The following PSME4 variants were observed in gnomAD, a reference collection of about 807,000 sequenced individuals.
PSME4 encodes the protein proteasome activator complex subunit 4.
In PSME4, 89 loss-of-function variants were observed where a neutral mutation model predicts 253.9. The ratio of observed to expected loss-of-function variants is 0.35; its 90% CI spans 0.30 to 0.42. The LOEUF is 0.42. Ranked by LOEUF, PSME4 falls within the 10% of genes least tolerant of loss-of-function variation. The pLI is 1.00. For synonymous variants in PSME4, 851 were observed against 759.2 expected, an observed-to-expected ratio of 1.12 and a Z score of -1.99; for missense variants, 2,014 against 2,195.2, an observed-to-expected ratio of 0.92 and a Z score of 1.65.
intron 3 of PSME4, among the ~76,000 whole-genome samples, chr2:53,945,184 T>C (rs1034117845): frequency 1.3e-5 from 2 of 152,210 alleles, no homozygotes; most frequent in Admixed American, 1.3e-4. Flanking sequence ...TCCCATATTT[T>C]GTTAGTAGCA....
Position 53,962,147 on chromosome 2 carries a change from C to G in PSME4, c.242+8396G>C, listed in dbSNP as rs6730733. ...CTAAGAACATAAAGTACATTGATTT[C>G]TTCATTATGGCTAGCAGATATTTAA... On this transcript the variant is annotated intron_variant, in intron 1 of 46. Transcript: ENST00000404125. Among the ~76,000 whole-genome samples, 997 of 152,234 alleles carry G rather than the reference C, an allele frequency of 6.5e-3. 9 individuals carry two copies. Among genetic ancestry groups the G allele is most frequent in the African/African-American group, 0.021 (884 of 41,528 alleles).
intron 20 of PSME4, among the ~76,000 whole-genome samples, chr2:53,918,770 C>CT (rs996977496): frequency 9.2e-5 from 14 of 151,546 alleles, no homozygotes; most frequent in Admixed American, 2.0e-4. Context: ...TTGAAGAAAT[C>CT]TTTTTTTTTA....
intron 1 of PSME4, among the ~76,000 whole-genome samples, chr2:53,968,212 T>A (rs557006302): frequency 6.6e-6 from 1 of 151,322 alleles, no homozygotes; most frequent in Admixed American, 6.6e-5. Flanking sequence ...AAGGCAGGGA[T>A]TGCAGTGGGC....
At chr2:53,866,618 G>C (rs2104405595) in intron 45 of PSME4, 129 bp downstream of exon 45, 7 of 1,021,832 alleles carry the variant, frequency 6.9e-6, no homozygotes, top group African/African-American at 3.3e-5. Flanking sequence ...CTGGTGAGCA[G>C]ACTAAGCCTT....
intron 19 of PSME4, 134 bp downstream of exon 19, chr2:53,920,059 G>A: frequency 1.3e-6 from 1 of 785,660 alleles, no homozygotes; most frequent in Non-Finnish European, 1.9e-6. Flanking sequence ...TATATTAAAT[G>A]ATTTTCTAAG....
intron 1 of PSME4, among the ~76,000 whole-genome samples, chr2:53,961,247 G>A (rs1199828844): frequency 6.6e-6 from 1 of 152,188 alleles, no homozygotes; most frequent in African/African-American, 2.4e-5. Context: ...GTTTTCTGTT[G>A]CTGTTGTTGT....
intron 3 of PSME4, among the ~76,000 whole-genome samples, chr2:53,941,487 A>T (rs952963381): frequency 6.6e-6 from 1 of 151,944 alleles, no homozygotes; most frequent in African/African-American, 2.4e-5. Flanking sequence ...CTCCCTGAAG[A>T]CCACAGCTAT....
intron 40 of PSME4, among the ~76,000 whole-genome samples, 175 bp downstream of exon 40, chr2:53,887,084 T>C (rs805397): frequency 0.29 from 44,151 of 152,000 alleles, 6,833 homozygotes; most frequent in South Asian, 0.46. Flanking sequence ...GTGATGATGG[T>C]TGCGCAAGGA....
chr2:53,899,826 G>A (rs1463381753), intron 29 of PSME4, 55 bp downstream of exon 29: 9 of 1,585,198 alleles, frequency 5.7e-6, no homozygotes. Context: ...TCAAAAAAAA[G>A]CCAAAACTTA....
At chr2:53,936,703 TGG>T in intron 6 of PSME4, 59 bp downstream of exon 6, 1 of 1,167,856 alleles carries the variant, frequency 8.6e-7, no homozygotes, top group Non-Finnish European at 1.2e-6. Context: ...TAAAAAAGTA[TGG>T]GGGGGAAAAA....
intron 20 of PSME4, among the ~76,000 whole-genome samples, chr2:53,914,708 C>G (rs778401566): frequency 6.6e-6 from 1 of 152,030 alleles, no homozygotes; most frequent in African/African-American, 2.4e-5. Context: ...TGGTGAAACC[C>G]TGTCTCTACT....
intron 1 of PSME4, among the ~76,000 whole-genome samples, chr2:53,953,593 C>A (rs1670100071): frequency 7.0e-6 from 1 of 143,478 alleles, no homozygotes; most frequent in African/African-American, 2.5e-5. Flanking sequence ...CTCAGTAAAG[C>A]TGTTTGTCTT....
intron 20 of PSME4, among the ~76,000 whole-genome samples, chr2:53,912,331 A>G (rs188066059): frequency 6.6e-6 from 1 of 152,218 alleles, no homozygotes; most frequent in Non-Finnish European, 1.5e-5. Flanking sequence ...TATATAGGAC[A>G]TATCTGGGTA....
rs751496478 is a variant in PSME4, at chr2:53,866,104, T to C, written c.5517A>G (p.Pro1839=). 3 of 1,612,926 alleles carry C rather than the reference T, an allele frequency of 1.9e-6. No homozygotes were observed. The highest frequency in any genetic ancestry group is 2.7e-5 in the African/African-American group (2 of 75,024). Residue 1839 remains proline (P), a synonymous_variant, in exon 46 of 47, where the codon CCA becomes CCG. Transcript: ENST00000404125. ...ACTTACCTTTCTATGCATAATAGCA[T>C]GGTGACACAAGAAGATCGGTGAGAA... The part of the protein sequence containing the change: ...LLVLTDLLVS[P]CYYA
In PSME4 at chr2:53,916,751, A is replaced by T. The variant is rs183835793; in HGVS notation, c.2516+2400T>A. Among the ~76,000 whole-genome samples the T allele has an allele frequency of 4.4e-3, 671 of 152,336 alleles. 5 individuals are homozygous for T. The highest frequency in any genetic ancestry group is 6.9e-3 in the Admixed American group (105 of 15,304). Reference sequence around the variant, plus strand: ...ATGAAATTAACCATCTGTTAAAAAAAAGTAAAAATGTTACACATAGGAAAT... The same window carrying T: ...ATGAAATTAACCATCTGTTAAAAAATAGTAAAAATGTTACACATAGGAAAT... On this transcript the variant is annotated intron_variant, in intron 20 of 46. Transcript: ENST00000404125.
At chr2:53,954,134 C>T (rs1195946903) in intron 1 of PSME4, among the ~76,000 whole-genome samples, 1 of 151,868 alleles carries the variant, frequency 6.6e-6, no homozygotes, top group Non-Finnish European at 1.5e-5. Context: ...TCGAGATCAG[C>T]CTGACCAACA....
intron 41 of PSME4, among the ~76,000 whole-genome samples, chr2:53,883,769 C>A (rs1679507768): frequency 6.6e-6 from 1 of 151,864 alleles, no homozygotes; most frequent in Non-Finnish European, 1.5e-5. Context: ...CCATCTACAC[C>A]CATTCCCTTG....
intron 12 of PSME4, 56 bp downstream of exon 12, chr2:53,927,338 A>G: frequency 8.3e-7 from 1 of 1,207,336 alleles, no homozygotes; most frequent in Non-Finnish European, 1.2e-6. Context: ...GTTACTATGC[A>G]TATGCAATAA....
intron 3 of PSME4, among the ~76,000 whole-genome samples, chr2:53,941,999 A>G (rs1236294278): frequency 2.0e-5 from 3 of 152,148 alleles, no homozygotes; most frequent in South Asian, 2.1e-4. Context: ...GAAGTTAATT[A>G]TAACACTTGA....
Sources: gnomAD v4.1 joint callset for allele counts (sites outside exome capture counted in the v4.1 genomes callset) on GRCh38, gnomAD v4.1.1 for gene constraint, MANE v1.5 for transcripts, NCBI Gene and HGNC (gene_info 2026-07-23, HGNC 2026-07-21) for gene names.